The following CYP26B1 variants were observed in gnomAD, a reference collection of about 807,000 sequenced individuals.
CYP26B1 encodes cytochrome P450 family 26 subfamily B member 1, also known as cytochrome P450 26B1.
In CYP26B1, 8 loss-of-function variants were observed where a neutral mutation model predicts 39.1. The observed-to-expected ratio is 0.20, with a 90% CI of 0.12 to 0.37. CYP26B1 has a LOEUF of 0.37. Ranked by LOEUF, CYP26B1 falls within the 10% of genes least tolerant of loss-of-function variation. CYP26B1 has a pLI of 1.00. For missense variants in CYP26B1, 615 were observed against 707.0 expected (o/e 0.87, Z 1.48); for synonymous variants, 321 against 314.3 (o/e 1.02, Z -0.23).
rs1355893512 is a variant in CYP26B1 at position 72,147,494 on chromosome 2, G to C, written c.204+137C>G. 12 of 892,782 alleles carry C rather than the reference G, an allele frequency of 1.3e-5. No individual in the cohort carries two copies. In the East Asian group the frequency reaches 1.9e-4, roughly 14 times the overall value. The allele number at this position is 892,782 out of a possible 1,614,324, so 55.3% of individuals were successfully genotyped here. On this transcript the variant is annotated intron_variant, in intron 1 of 5. Coordinates refer to ENST00000001146, the MANE Select transcript of CYP26B1 (RefSeq NM_019885.4). The surrounding 1 kb of genome is among the most constrained non-coding windows in gnomAD (Gnocchi z 6.1). ...GGGCTGGGGAAGCCCGGGCTGCTGC[G>C]GCAGAGAGGAGGGAAGGGGCGGGGC...
At chr2:72,135,048 T>G in intron 3 of CYP26B1, 96 bp downstream of exon 3, 1 of 1,601,956 alleles carries the variant, frequency 6.2e-7, no homozygotes, top group East Asian at 2.2e-5. Context: ...GCCCTGTGCC[T>G]AGGTGCCCAT....
Position 72,144,045 on chromosome 2 carries a change from G to A in CYP26B1, c.373C>T (p.Leu125=). The change falls in exon 2 of 6, where the codon CTG becomes TTG. Residue 125 remains leucine, a synonymous_variant. Coordinates refer to ENST00000001146, the MANE Select transcript of CYP26B1 (RefSeq NM_019885.4). ...GAATTGGACACCGTGTTGGGGCCCAGCAACATGCGGGTGCTGCGAGGCCAC... is the reference window on the plus strand; with the variant it reads ...GAATTGGACACCGTGTTGGGGCCCAACAACATGCGGGTGCTGCGAGGCCAC... ...TEWPRSTRML[L]GPNTVSNSIG... is the part of the protein sequence containing the mutation. 1.2e-6 allele frequency: 2 copies of A among 1,613,852 alleles called. No homozygotes were observed. Among genetic ancestry groups the A allele is most frequent in the African/African-American group, 1.3e-5 (1 of 75,078 alleles).
At position 72,144,112 on chromosome 2, in the gene CYP26B1, C is replaced by T; in HGVS notation, c.306G>A (p.Val102=). ...PLIRVTGAEN[V]RKILMGEHHL... ...GGTGCTCGCCCATGAGGATCTTGCG[C>T]ACGTTCTCCGCGCCGGTCACGCGTA... Residue 102 remains valine, a synonymous_variant, in exon 2 of 6, where the codon GTG becomes GTA. Transcript: ENST00000001146. The T allele has an allele frequency of 6.2e-7, 1 of 1,612,152 alleles. No homozygotes were observed. The highest frequency in any genetic ancestry group is 1.3e-5 in the African/African-American group (1 of 75,034).
At chr2:72,136,291 G>GC (rs571032426) in intron 2 of CYP26B1, among the ~76,000 whole-genome samples, 6 of 152,178 alleles carry the variant, frequency 3.9e-5, no homozygotes, top group African/African-American at 1.4e-4. Context: ...AGAAGAGGGA[G>GC]CCCCCCACTC....
chr2:72,132,329 G>C lies in CYP26B1; in HGVS notation c.1437C>G (p.Val479=). The C allele has an allele frequency of 1.2e-6, 2 of 1,610,478 alleles. No homozygotes were observed. Among genetic ancestry groups the C allele is most frequent in the Non-Finnish European group, 1.7e-6 (2 of 1,178,306 alleles). ...RTFPRITLVP[V]LHPVDGLSVK... ...CGCTGAGGCCATCCACGGGGTGCAG[G>C]ACGGGGACCAAGGTGATGCGGGGGA... Residue 479 remains valine (V), a synonymous_variant, in exon 6 of 6, where the codon GTC becomes GTG. Transcript: ENST00000001146.
intron 2 of CYP26B1, among the ~76,000 whole-genome samples, chr2:72,136,112 C>T (rs1676766465): frequency 6.6e-6 from 1 of 152,188 alleles, no homozygotes; most frequent in South Asian, 2.1e-4. Context: ...CAGGACTCCC[C>T]CGCACAGGTT....
Position 72,134,808 on chromosome 2 carries a change from C to G in CYP26B1, c.814G>C (p.Glu272Gln), listed in dbSNP as rs552735673. ...DYLDALDLLIESSKEHGKEMT... is the reference protein window; with the variant it reads ...DYLDALDLLIQSSKEHGKEMT... ...TCCTTCCCGTGCTCCTTGCTGCTCT[C>G]AATGAGGAGGTCCAGGGCGTCCAAG... Residue 272 changes from glutamate (E) to glutamine (Q), a missense_variant, in exon 4 of 6, where the codon GAG (glutamate) becomes CAG (glutamine). Physicochemically the swap from Glu to Gln is conservative, Grantham distance 29 (BLOSUM62 2). Transcript: ENST00000001146. 1.9e-6 allele frequency: 3 copies of G among 1,614,074 alleles called. No homozygotes were observed. Among genetic ancestry groups the G allele is most frequent in the Non-Finnish European group, 2.5e-6 (3 of 1,180,026 alleles).
At chr2:72,137,979 G>A (rs1308745094) in intron 2 of CYP26B1, among the ~76,000 whole-genome samples, 1 of 152,196 alleles carries the variant, frequency 6.6e-6, no homozygotes, top group Non-Finnish European at 1.5e-5. Context: ...GCCCCTCCTG[G>A]AGCTGTTTCC....
Position 72,129,799 on chromosome 2 carries a change from A to T in CYP26B1, c.*2428T>A, listed in dbSNP as rs977855412. ...GTTGCAATAGTTAGGGATGATAAGT[A>T]AGAAACATCACCCATCTAATGCTAG... On this transcript the variant is annotated 3_prime_UTR_variant, in exon 6 of 6. Coordinates refer to ENST00000001146, the MANE Select transcript of CYP26B1 (RefSeq NM_019885.4). The T allele has an allele frequency of 6.6e-6, 1 of 152,184 alleles. No homozygotes were observed. Among genetic ancestry groups the T allele is most frequent in the African/African-American group, 2.4e-5 (1 of 41,208 alleles). 9.4% of individuals were successfully genotyped at this position (152,184 alleles called of 1,614,324 possible).
At chr2:72,141,730 T>C (rs958874126) in intron 2 of CYP26B1, among the ~76,000 whole-genome samples, 2 of 152,206 alleles carry the variant, frequency 1.3e-5, no homozygotes, top group Non-Finnish European at 2.9e-5. Context: ...TTAGAAACAG[T>C]GGCCCTGAGT....
chr2:72,137,489 G>A (rs894351108), intron 2 of CYP26B1, among the ~76,000 whole-genome samples: 1 of 152,138 alleles, frequency 6.6e-6, no homozygotes, highest in Non-Finnish European at 1.5e-5. Context: ...GAATCCCCTG[G>A]GGAGTGCCTT....
At chr2:72,146,775 A>G (rs965408185) in intron 1 of CYP26B1, among the ~76,000 whole-genome samples, 1 of 152,178 alleles carries the variant, frequency 6.6e-6, no homozygotes, top group African/African-American at 2.4e-5. Flanking sequence ...TGTGTATCAC[A>G]TTGCAAAAGC....
intron 2 of CYP26B1, among the ~76,000 whole-genome samples, chr2:72,137,792 C>T (rs1676821130): frequency 1.3e-5 from 2 of 152,204 alleles, no homozygotes; most frequent in African/African-American, 4.8e-5. Flanking sequence ...CCACACCTGA[C>T]CCCTGGGGGG....
At position 72,138,803 on chromosome 2, in the gene CYP26B1, C is replaced by T. The variant is rs572095447; in HGVS notation, c.430-3384G>A. On this transcript the variant is annotated intron_variant, in intron 2 of 5. Coordinates refer to ENST00000001146, the MANE Select transcript of CYP26B1 (RefSeq NM_019885.4). Reference sequence around the variant, plus strand: ...CCTTGGGCAACTCCCCTGCCAAGCCCCCAAGGACACAATAGGCTCATGAGT... The same window carrying T: ...CCTTGGGCAACTCCCCTGCCAAGCCTCCAAGGACACAATAGGCTCATGAGT... Among the ~76,000 whole-genome samples the T allele has an allele frequency of 4.6e-5, 7 of 151,992 alleles. No homozygotes were observed. The East Asian group carries it at 1.4e-3, about 30-fold the overall frequency.
At chr2:72,133,346 G>A (rs773207643) in intron 4 of CYP26B1, 39 bp from the exon 5 acceptor site, 1 of 1,585,860 alleles carries the variant, frequency 6.3e-7, no homozygotes, top group Non-Finnish European at 8.5e-7. Context: ...GGAGGTGTGG[G>A]TTCAGCCAGG....
intron 2 of CYP26B1, among the ~76,000 whole-genome samples, chr2:72,137,442 C>T (rs945344646): frequency 6.6e-6 from 1 of 152,202 alleles, no homozygotes; most frequent in Admixed American, 6.5e-5. Flanking sequence ...TAAGCAGATG[C>T]TATCCCTTCA....
rs1289746615 is a variant in CYP26B1, at chr2:72,132,894, C to T, written c.1146+129G>A. 6 of 1,482,690 alleles carry T rather than the reference C, an allele frequency of 4.0e-6. No homozygotes were observed. In the African/African-American group the frequency reaches 7.0e-5, roughly 17 times the overall value. 91.8% of individuals were successfully genotyped at this position (1,482,690 alleles called of 1,614,324 possible). A position where few individuals can be genotyped will look rare whatever the true frequency, so the allele number is the denominator to read the frequency against. On this transcript the variant is annotated intron_variant, in intron 5 of 5. Coordinates refer to ENST00000001146, the MANE Select transcript of CYP26B1 (RefSeq NM_019885.4). ...CGCACTTCTCCCATCGGACTGAAAG[C>T]TCCCTGAAAGCAAGCACTGTTTCCC...
rs778007886 is a variant in CYP26B1, at chr2:72,144,185, T to C, written c.233A>G (p.Glu78Gly). ...CGTCTTGAACACGTTGCCATACTTC[T>C]CCCTCCGCGACGACTGGAAGCCAGA... ...QGSGFQSSRREKYGNVFKTHL... is the reference protein window; with the variant it reads ...QGSGFQSSRRGKYGNVFKTHL... Residue 78 changes from glutamate to glycine, a missense_variant, in exon 2 of 6, where the codon GAG (glutamate) becomes GGG (glycine). Coordinates refer to ENST00000001146, the MANE Select transcript of CYP26B1 (RefSeq NM_019885.4). The C allele has an allele frequency of 1.3e-6, 2 of 1,598,968 alleles. No homozygotes were observed. Among genetic ancestry groups the C allele is most frequent in the East Asian group, 4.5e-5 (2 of 44,432 alleles).
chr2:72,144,383 G>T, intron 1 of CYP26B1, 170 bp from the exon 2 acceptor site: 1 of 1,433,180 alleles, frequency 7.0e-7, no homozygotes. Flanking sequence ...CACAAGAACT[G>T]CGAAGTAGGG....
Sources: allele counts gnomAD v4.1 joint callset (sites outside exome capture counted in the v4.1 genomes callset), GRCh38; gene constraint gnomAD v4.1.1; non-coding constraint Gnocchi (gnomAD v3.1); transcripts MANE v1.5; gene names NCBI Gene and HGNC (gene_info 2026-07-23, HGNC 2026-07-21).